CLCC1: variants seen among roughly 807,000 people sequenced by gnomAD.
CLCC1 encodes chloride channel CLIC like 1.
In CLCC1, 39 loss-of-function variants were observed where a neutral mutation model predicts 63.3. The ratio of observed to expected loss-of-function variants is 0.62; its 90% CI spans 0.48 to 0.81. CLCC1 has a LOEUF of 0.81. Ranked by LOEUF, CLCC1 falls within the 30% of genes least tolerant of loss-of-function variation. CLCC1 has a pLI of 0.00. For missense variants in CLCC1, 549 were observed against 669.4 expected, an observed-to-expected ratio of 0.82 and a Z score of 1.98; for synonymous variants, 217 against 239.8, an observed-to-expected ratio of 0.90 and a Z score of 0.88.
chr1:108,942,589 G>A (rs1653987161), intron 7 of CLCC1, among the ~76,000 whole-genome samples: 1 of 152,118 alleles, frequency 6.6e-6, no homozygotes, highest in Non-Finnish European at 1.5e-5. Context: ...CTATGTTGAT[G>A]GGAACAGTAG....
At chr1:108,942,643 A>G (rs1653991872) in intron 7 of CLCC1, among the ~76,000 whole-genome samples, 1 of 152,224 alleles carries the variant, frequency 6.6e-6, no homozygotes. Flanking sequence ...CCAACTTTGA[A>G]AGATAATTAA....
At chr1:108,957,945 A>T (rs1327555925) in intron 2 of CLCC1, among the ~76,000 whole-genome samples, 1 of 151,424 alleles carries the variant, frequency 6.6e-6, no homozygotes, top group African/African-American at 2.5e-5. Context: ...CAGAAAGAAG[A>T]GGAGGAACCA....
Position 108,930,025 on chromosome 1 carries a change from CT to C in CLCC1, c.*2521del. The C allele has an allele frequency of 8.6e-7, 1 of 1,156,310 alleles. No homozygotes were observed. Among genetic ancestry groups the C allele is most frequent in the Admixed American group, 1.9e-5 (1 of 52,228 alleles). 71.6% of individuals were successfully genotyped at this position (1,156,310 alleles called of 1,614,324 possible). The stretch of plus-strand genomic sequence containing the variant: ...TTCCTTAAAAGGAGAATTTATAGCA[CT>C]GTAATACAGCTTAAAATATTTTTAG... On this transcript the variant is annotated 3_prime_UTR_variant, in exon 13 of 13. Transcript: ENST00000369969.
chr1:108,944,066 A>C lies in CLCC1; in HGVS notation c.340-9T>G. ...CCTTTGTTTTCATCAGGCTAAATTA[A>C]ATTTACCAAAAAACAAACAATAGAA... is the stretch of plus-strand genomic sequence containing the variant. On this transcript the variant is annotated splice_polypyrimidine_tract_variant and intron_variant, in intron 5 of 12. Transcript: ENST00000369969. 6.4e-7 allele frequency: 1 copy of C among 1,553,634 alleles called. No individual in the cohort carries two copies. Among genetic ancestry groups the C allele is most frequent in the Non-Finnish European group, 8.7e-7 (1 of 1,148,276 alleles).
rs1392163655 is a variant in CLCC1 at position 108,962,446 on chromosome 1, T to G, written c.-149A>C. Reference sequence around the variant, plus strand: ...CTTGCGAATTTGCATTTTTAACAATTTCCCAGATGACGATAAAGCTAGTCT... The same window carrying G: ...CTTGCGAATTTGCATTTTTAACAATGTCCCAGATGACGATAAAGCTAGTCT... On this transcript the variant is annotated 5_prime_UTR_variant, in exon 2 of 13. Transcript: ENST00000369969. 6.6e-6 allele frequency: 1 copy of G among 152,178 alleles called. No individual in the cohort carries two copies. Among genetic ancestry groups the G allele is most frequent in the African/African-American group, 2.4e-5 (1 of 41,446 alleles). The allele number at this position is 152,178 out of a possible 1,614,324, so 9.4% of individuals were successfully genotyped here.
chr1:108,938,976 G>GA (rs1158284726), intron 10 of CLCC1, among the ~76,000 whole-genome samples: 1 of 151,556 alleles, frequency 6.6e-6, no homozygotes, highest in Non-Finnish European at 1.5e-5. Flanking sequence ...CAGAGGGGAG[G>GA]AAAAAAATCT....
rs745996749 is a variant in CLCC1, at chr1:108,961,291, A to AAAAC, written c.-12+1017_-12+1018insGTTT. 8.6e-4 allele frequency among the ~76,000 whole-genome samples: 130 copies of AAAAC among 151,806 alleles called. 3 individuals carry two copies. The highest frequency in any genetic ancestry group is 3.4e-3 in the Middle Eastern group (1 of 294). The stretch of plus-strand genomic sequence containing the variant: ...ACCTGCTGAAGAGTTTGTTAAAAAA[A>AAAAC]AAAAAAAACGATTCTGATTCAGTAA... On this transcript the variant is annotated intron_variant, in intron 2 of 12. Coordinates refer to ENST00000369969, the MANE Select transcript of CLCC1 (RefSeq NM_001377458.1).
intron 12 of CLCC1, chr1:108,932,799 C>T (rs1409428491): frequency 6.6e-6 from 1 of 152,150 alleles, no homozygotes; most frequent in African/African-American, 2.4e-5. Flanking sequence ...TTAAACATGT[C>T]CTCTGTGTTA....
At chr1:108,936,746 G>A (rs531645938) in intron 11 of CLCC1, among the ~76,000 whole-genome samples, 3 of 152,128 alleles carry the variant, frequency 2.0e-5, no homozygotes, top group African/African-American at 7.2e-5. Flanking sequence ...CTAGAGCTCC[G>A]GGCCTTCAGT....
In CLCC1 at chr1:108,962,838, T is replaced by C. The variant is rs189544809; in HGVS notation, c.-172-369A>G. Among the ~76,000 whole-genome samples the C allele has an allele frequency of 8.9e-3, 1,315 of 147,366 alleles. 9 individuals are homozygous for C. The highest frequency in any genetic ancestry group is 0.014 in the Non-Finnish European group (939 of 67,516). On this transcript the variant is annotated intron_variant, in intron 1 of 12. Coordinates refer to ENST00000369969, the MANE Select transcript of CLCC1 (RefSeq NM_001377458.1). ...GTGAGCGGAGATAGCACCACCGCAC[T>C]CCAGCCTGGGTGACACAGCAAGACT...
At chr1:108,950,512 GTTATTA>G (rs34131552) in intron 2 of CLCC1, 64 bp from the exon 3 acceptor site, 69 of 661,250 alleles carry the variant, frequency 1.0e-4, no homozygotes, top group Non-Finnish European at 1.4e-4. Context: ...TGGGTTTTGG[GTTATTA>G]TTATTATTAT....
chr1:108,961,624 C>T (rs1298213788), intron 2 of CLCC1, among the ~76,000 whole-genome samples: 1 of 152,142 alleles, frequency 6.6e-6, no homozygotes, highest in Non-Finnish European at 1.5e-5. Context: ...CCTTGGGAGG[C>T]CAAGGCGGGC....
chr1:108,958,554 T>G lies in CLCC1; in HGVS notation c.-12+3755A>C, dbSNP rs1005921981. On this transcript the variant is annotated intron_variant, in intron 2 of 12. Coordinates refer to ENST00000369969, the MANE Select transcript of CLCC1 (RefSeq NM_001377458.1). ...GATATGTCAAAGAGAAGCCATAAAG[T>G]GCTTCCTTTAAGTGAAAAAGTGAAA... 5.3e-5 allele frequency among the ~76,000 whole-genome samples: 8 copies of G among 151,594 alleles called. 1 individual carries two copies. Among genetic ancestry groups the G allele is most frequent in the African/African-American group, 2.0e-4 (8 of 40,842 alleles).
intron 2 of CLCC1, 45 bp from the exon 3 acceptor site, chr1:108,950,493 T>A: frequency 5.1e-6 from 6 of 1,182,648 alleles, no homozygotes; most frequent in South Asian, 2.1e-5. Context: ...ATTATTTTTT[T>A]AAATAAATTG....
chr1:108,959,863 C>A (rs918277697), intron 2 of CLCC1, among the ~76,000 whole-genome samples: 2 of 152,218 alleles, frequency 1.3e-5, no homozygotes, highest in African/African-American at 4.8e-5. Flanking sequence ...GTTGTGGCGA[C>A]TCACGCCTGT....
At chr1:108,934,593 A>C (rs1652578081) in intron 12 of CLCC1, 32 bp downstream of exon 12, 1 of 1,492,312 alleles carries the variant, frequency 6.7e-7, no homozygotes, top group Non-Finnish European at 9.0e-7. Flanking sequence ...ATTCTTGCAG[A>C]GAAGAGAAAG....
rs976187663 is a variant in CLCC1 at position 108,934,954 on chromosome 1, A to G, written c.1384-12T>C. 6.3e-7 allele frequency: 1 copy of G among 1,584,530 alleles called. No homozygotes were observed. Among genetic ancestry groups the G allele is most frequent in the African/African-American group, 1.4e-5 (1 of 73,782 alleles). ...ACAGGTGATTTATGCTATAAAGTAC[A>G]AAATTACATTTTAACTGTTTAATGT... On this transcript the variant is annotated splice_polypyrimidine_tract_variant and intron_variant, in intron 11 of 12. Transcript: ENST00000369969.
chr1:108,930,488 T>A lies in CLCC1; in HGVS notation c.*2059A>T, dbSNP rs1651754630. Reference sequence around the variant, plus strand: ...ACTCTACTTCTTGGGCTGGGCATGGTGGCTCATTCCTGTAATCCCAGCACA... The same window carrying A: ...ACTCTACTTCTTGGGCTGGGCATGGAGGCTCATTCCTGTAATCCCAGCACA... On this transcript the variant is annotated 3_prime_UTR_variant, in exon 13 of 13. Transcript: ENST00000369969. 6.5e-6 allele frequency: 1 copy of A among 153,604 alleles called. No homozygotes were observed. The highest frequency in any genetic ancestry group is 6.5e-5 in the Admixed American group (1 of 15,390). The allele number at this position is 153,604 out of a possible 1,614,324, so 9.5% of individuals were successfully genotyped here. A position where few individuals can be genotyped will look rare whatever the true frequency, so the allele number is the denominator to read the frequency against.
In CLCC1 at chr1:108,947,587, A is replaced by G. The variant is rs377452682; in HGVS notation, c.339+24T>C. The G allele has an allele frequency of 3.1e-6, 4 of 1,288,544 alleles. No individual in the cohort carries two copies. The African/African-American group carries it at 5.9e-5, about 19-fold the overall frequency. The allele number at this position is 1,288,544 out of a possible 1,614,324, so 79.8% of individuals were successfully genotyped here. ...AATAAAAATATACACTATACGGATTAGTATCACACCATCAAATACTCACAA... is the reference window on the plus strand; with the variant it reads ...AATAAAAATATACACTATACGGATTGGTATCACACCATCAAATACTCACAA... On this transcript the variant is annotated intron_variant, in intron 5 of 12. Transcript: ENST00000369969.
Sources: allele counts gnomAD v4.1 joint callset (sites outside exome capture counted in the v4.1 genomes callset), GRCh38; gene constraint gnomAD v4.1.1; transcripts MANE v1.5; gene names NCBI Gene and HGNC (gene_info 2026-07-23, HGNC 2026-07-21).